The following GPM6A variants were observed in gnomAD, a reference collection of about 807,000 sequenced individuals.
GPM6A encodes the protein glycoprotein M6A, also known as neuronal membrane glycoprotein M6-a.
GPM6A carries 7 observed loss-of-function variants against 32.1 expected under a neutral mutation model. The observed-to-expected ratio is 0.22, with a 90% CI of 0.12 to 0.41. GPM6A has a LOEUF of 0.41. Among genes scored for constraint, GPM6A ranks in the 10% least tolerant of loss-of-function variants. GPM6A has a pLI of 1.00. For synonymous variants in GPM6A, 130 were observed against 123.4 expected (o/e 1.05, Z -0.35); for missense variants, 235 against 347.2 (o/e 0.68, Z 2.57).
At chr4:175,847,583 T>G (rs1259534294) in intron 1 of GPM6A, among the ~76,000 whole-genome samples, 1 of 152,076 alleles carries the variant, frequency 6.6e-6, no homozygotes, top group Admixed American at 6.6e-5. Flanking sequence ...CTTATTTTAC[T>G]TAATAATGAC....
At chr4:175,920,355 T>C (rs1369347338) in intron 1 of GPM6A, among the ~76,000 whole-genome samples, 4 of 152,210 alleles carry the variant, frequency 2.6e-5, no homozygotes, top group African/African-American at 7.2e-5. Context: ...AAGGGTTAAT[T>C]ACTTTTTAAA....
intron 1 of GPM6A, among the ~76,000 whole-genome samples, chr4:175,986,709 C>T (rs1052434468): frequency 6.6e-6 from 1 of 152,078 alleles, no homozygotes; most frequent in African/African-American, 2.4e-5. Context: ...TTTAAGTGAA[C>T]AATTTAAGTA....
chr4:175,835,098 T>A (rs1735724025), intron 1 of GPM6A, among the ~76,000 whole-genome samples: 1 of 152,166 alleles, frequency 6.6e-6, no homozygotes, highest in South Asian at 2.1e-4. Flanking sequence ...TGGGCGCTTG[T>A]TAAAAATTGC....
intron 1 of GPM6A, chr4:175,906,748 G>A (rs1738146019): frequency 1.3e-5 from 2 of 152,162 alleles, no homozygotes; most frequent in South Asian, 4.1e-4. Context: ...TCTCAGAGCT[G>A]TGGGTGCAGA....
intron 1 of GPM6A, among the ~76,000 whole-genome samples, chr4:175,792,114 T>C (rs377532156): frequency 2.2e-4 from 33 of 152,324 alleles, no homozygotes; most frequent in Admixed American, 9.8e-4. Context: ...TTAAGTAATT[T>C]GATCTCATTA....
At chr4:175,804,783 C>T (rs991709867) in intron 1 of GPM6A, among the ~76,000 whole-genome samples, 1 of 152,044 alleles carries the variant, frequency 6.6e-6, no homozygotes, top group Non-Finnish European at 1.5e-5. Context: ...CGGTGGCTCA[C>T]GCCTGTAATC....
chr4:175,949,320 G>T (rs1281689524), intron 1 of GPM6A, among the ~76,000 whole-genome samples: 2 of 151,598 alleles, frequency 1.3e-5, no homozygotes, highest in African/African-American at 4.8e-5. Flanking sequence ...GTTGTTTTTG[G>T]TGGTGGTGGT....
At chr4:175,873,760 T>C (rs1311561651) in intron 1 of GPM6A, among the ~76,000 whole-genome samples, 1 of 152,216 alleles carries the variant, frequency 6.6e-6, no homozygotes, top group Non-Finnish European at 1.5e-5. Context: ...GTCTCCTCAC[T>C]ATTACAGACT....
At chr4:175,783,491 CA>C (rs1429646992) in intron 1 of GPM6A, among the ~76,000 whole-genome samples, 39 of 151,796 alleles carry the variant, frequency 2.6e-4, no homozygotes, top group Non-Finnish European at 2.9e-5. Context: ...CAACTTAAAA[CA>C]ATGCAAAATT....
At chr4:175,845,649 G>C (rs990662518) in intron 1 of GPM6A, among the ~76,000 whole-genome samples, 3 of 151,926 alleles carry the variant, frequency 2.0e-5, no homozygotes, top group African/African-American at 7.2e-5. Flanking sequence ...TCCTCACCAA[G>C]AAAATTTCTC....
chr4:175,744,358 C>G (rs1225853081), intron 1 of GPM6A, among the ~76,000 whole-genome samples: 1 of 151,962 alleles, frequency 6.6e-6, no homozygotes, highest in Non-Finnish European at 1.5e-5. Context: ...TGTACTAAAT[C>G]TGTGTTCCAG....
rs1246932624 is a variant in GPM6A, at chr4:175,761,651, T to C, written c.37+50540A>G. Among the ~76,000 whole-genome samples, 5 of 151,972 alleles carry C rather than the reference T, an allele frequency of 3.3e-5. No individual in the cohort carries two copies. The South Asian group carries it at 1.0e-3, about 32-fold the overall frequency. ...TAATAATTAATAATATACTAAAAGGTTTTTTAAAGTAATAAAACACCTGAG... is the reference window on the plus strand; with the variant it reads ...TAATAATTAATAATATACTAAAAGGCTTTTTAAAGTAATAAAACACCTGAG... On this transcript the variant is annotated intron_variant, in intron 1 of 6. Transcript: ENST00000393658.
intron 1 of GPM6A, among the ~76,000 whole-genome samples, chr4:175,931,035 A>G (rs954727023): frequency 6.6e-6 from 1 of 152,272 alleles, no homozygotes; most frequent in East Asian, 1.9e-4. Flanking sequence ...TTTAAAAGCA[A>G]CATAACAAGT....
chr4:175,948,862 C>T (rs930267958), intron 1 of GPM6A, among the ~76,000 whole-genome samples: 2 of 151,928 alleles, frequency 1.3e-5, no homozygotes, highest in Non-Finnish European at 2.9e-5. Context: ...AAAGAACAAT[C>T]ATTAAAATGC....
intron 2 of GPM6A, among the ~76,000 whole-genome samples, chr4:175,686,661 T>C (rs1169880267): frequency 6.6e-6 from 1 of 152,228 alleles, no homozygotes; most frequent in Non-Finnish European, 1.5e-5. Context: ...TGCTGACGCC[T>C]TGACTTCAGG....
intron 1 of GPM6A, among the ~76,000 whole-genome samples, chr4:175,989,182 TA>T (rs557003459): frequency 1.3e-4 from 20 of 152,070 alleles, no homozygotes; most frequent in South Asian, 4.2e-4. Flanking sequence ...CTATTAGCTT[TA>T]AAAAAAATTA....
chr4:175,692,741 C>A (rs896523744), intron 2 of GPM6A, among the ~76,000 whole-genome samples: 5 of 151,976 alleles, frequency 3.3e-5, no homozygotes, highest in African/African-American at 9.7e-5. Context: ...CTTCTTACCC[C>A]ATGATAAAGA....
chr4:175,691,827 G>A (rs1342786196), intron 2 of GPM6A, among the ~76,000 whole-genome samples: 1 of 152,208 alleles, frequency 6.6e-6, no homozygotes, highest in Non-Finnish European at 1.5e-5. Flanking sequence ...TAGCCCCATT[G>A]TAATCACAAG....
rs142229947 is a variant in GPM6A, at chr4:175,704,869, T to C, written c.38-3102A>G. ...GGTGGGAATTGCCTTTGCTGGATCC[T>C]AGAGCCTAAAGTTAATAACTGAGCA... On this transcript the variant is annotated intron_variant, in intron 1 of 6. Transcript: ENST00000393658. 2.6e-5 allele frequency among the ~76,000 whole-genome samples: 4 copies of C among 152,338 alleles called. No individual in the cohort carries two copies. The East Asian group carries it at 7.7e-4, about 29-fold the overall frequency.
Sources: allele counts gnomAD v4.1 joint callset (sites outside exome capture counted in the v4.1 genomes callset), GRCh38; gene constraint gnomAD v4.1.1; transcripts MANE v1.5; gene names NCBI Gene and HGNC (gene_info 2026-07-23, HGNC 2026-07-21).